CALCR: variants seen among roughly 807,000 people sequenced by gnomAD.
CALCR encodes calcitonin receptor.
Under a neutral mutation model 59.5 loss-of-function variants are expected in CALCR, and 47 were observed. The ratio of observed to expected loss-of-function variants is 0.79; its 90% CI spans 0.63 to 1.01. CALCR has a LOEUF of 1.01. Among genes scored for constraint, CALCR ranks in the 50% least tolerant of loss-of-function variants. CALCR has a pLI of 0.00. For synonymous variants in CALCR, 213 were observed against 211.3 expected (o/e 1.01, Z -0.07); for missense variants, 566 against 597.1 (o/e 0.95, Z 0.54).
At chr7:93,508,309 A>G (rs1355173595) in intron 2 of CALCR, among the ~76,000 whole-genome samples, 5 of 152,240 alleles carry the variant, frequency 3.3e-5, no homozygotes, top group Non-Finnish European at 5.9e-5. Context: ...ATCAAAGCAA[A>G]AAGTAGTATA....
intron 7 of CALCR, among the ~76,000 whole-genome samples, chr7:93,461,295 A>G (rs768544805): frequency 7.2e-5 from 11 of 152,124 alleles, no homozygotes; most frequent in Middle Eastern, 3.2e-3. Context: ...GTGTGCTTCA[A>G]ATGAAAAGCC....
intron 2 of CALCR, among the ~76,000 whole-genome samples, chr7:93,515,127 T>C (rs140046946): frequency 6.6e-6 from 1 of 152,170 alleles, no homozygotes; most frequent in African/African-American, 2.4e-5. Flanking sequence ...TTTGGCAAAC[T>C]GAATTACACT....
chr7:93,433,211 T>C (rs957453212), intron 13 of CALCR, among the ~76,000 whole-genome samples: 5 of 152,206 alleles, frequency 3.3e-5, no homozygotes, highest in Admixed American at 2.6e-4. Flanking sequence ...AGTAAAAAGA[T>C]AGAGAATAAA....
chr7:93,528,672 T>G (rs758941975), intron 2 of CALCR, among the ~76,000 whole-genome samples: 9 of 152,220 alleles, frequency 5.9e-5, no homozygotes, highest in Non-Finnish European at 1.3e-4. Context: ...TTAAAGGACT[T>G]TGATAGATAA....
At chr7:93,500,073 A>C (rs1801290278) in intron 2 of CALCR, among the ~76,000 whole-genome samples, 1 of 151,916 alleles carries the variant, frequency 6.6e-6, no homozygotes, top group Admixed American at 6.6e-5. Context: ...GATGAGCAAA[A>C]GAAAACCTAC....
At chr7:93,476,941 T>C (rs1584566472) in intron 5 of CALCR, among the ~76,000 whole-genome samples, 1 of 151,900 alleles carries the variant, frequency 6.6e-6, no homozygotes, top group South Asian at 2.1e-4. Flanking sequence ...TTAAAAGAGG[T>C]CCTCTGCAAT....
chr7:93,495,875 C>A, intron 2 of CALCR: 1 of 1,527,176 alleles, frequency 6.5e-7, no homozygotes, highest in Middle Eastern at 1.7e-4. Flanking sequence ...CGAATCTATA[C>A]TGGTTTGTAT....
rs769425672 is a variant in CALCR, at chr7:93,443,727, G to T, written c.679C>A (p.Gln227Lys). Residue 227 changes from glutamine (Q) to lysine (K), a missense_variant, in exon 9 of 14, where the codon CAG (glutamine) becomes AAG (lysine). By Grantham distance (53) the Gln-to-Lys change is moderately conservative. Transcript: ENST00000426151. ...VSCKILHFFH[Q>K]YMMACNYFWM... ...AAATAGTTGCAGGCCATCATGTACT[G>T]GTGGAAAAAATGCAAAATCTTGCAG... 8 of 1,612,732 alleles carry T rather than the reference G, an allele frequency of 5.0e-6. No homozygotes were observed. Among genetic ancestry groups the T allele is most frequent in the Non-Finnish European group, 6.8e-6 (8 of 1,179,186 alleles).
chr7:93,508,425 T>G (rs571774076), intron 2 of CALCR, among the ~76,000 whole-genome samples: 29 of 152,226 alleles, frequency 1.9e-4, no homozygotes, highest in Non-Finnish European at 3.7e-4. Flanking sequence ...TTTTTTTAAT[T>G]TTTAACAAAA....
intron 8 of CALCR, among the ~76,000 whole-genome samples, chr7:93,455,750 A>C (rs1800196862): frequency 6.6e-6 from 1 of 152,016 alleles, no homozygotes; most frequent in Non-Finnish European, 1.5e-5. Flanking sequence ...TGCTTTCATG[A>C]TAACTGAATT....
chr7:93,448,009 A>T (rs1800037405), intron 8 of CALCR, among the ~76,000 whole-genome samples: 1 of 152,036 alleles, frequency 6.6e-6, no homozygotes, highest in Non-Finnish European at 1.5e-5. Flanking sequence ...GTTGTCAAAC[A>T]GAGTCCCTAC....
At chr7:93,492,123 T>C (rs960198954) in intron 2 of CALCR, among the ~76,000 whole-genome samples, 5 of 151,592 alleles carry the variant, frequency 3.3e-5, no homozygotes, top group African/African-American at 9.7e-5. Context: ...AAAGCCATCA[T>C]CCTCAGCAAA....
intron 2 of CALCR, among the ~76,000 whole-genome samples, chr7:93,568,519 C>G (rs1408296288): frequency 3.6e-5 from 2 of 55,408 alleles, no homozygotes; most frequent in East Asian, 4.6e-4. Flanking sequence ...TTCTCTCTCT[C>G]TCTCTCTCTC....
chr7:93,459,630 C>T (rs1800276214), intron 8 of CALCR, among the ~76,000 whole-genome samples: 1 of 152,142 alleles, frequency 6.6e-6, no homozygotes, highest in African/African-American at 2.4e-5. Context: ...CTCATACCTA[C>T]TGACTCTCTA....
chr7:93,470,872 CCACT>C, intron 6 of CALCR, among the ~76,000 whole-genome samples: 1 of 150,958 alleles, frequency 6.6e-6, no homozygotes, highest in South Asian at 2.1e-4. Flanking sequence ...TGCGCTGCAC[CCACT>C]AACTTGTCAT....
At chr7:93,508,255 A>C (rs1801470459) in intron 2 of CALCR, among the ~76,000 whole-genome samples, 1 of 152,210 alleles carries the variant, frequency 6.6e-6, no homozygotes, top group Non-Finnish European at 1.5e-5. Flanking sequence ...ACAAAAACAA[A>C]AGAAAACCCC....
At position 93,424,732 on chromosome 7, in the gene CALCR, ACT is replaced by A. The variant is rs755278074; in HGVS notation, c.*1622_*1623del. ...CATTTGTACCACAGCTGCCAGAAAT[ACT>A]CTGTTTTCCATGTTTGTAAACAAAA... On this transcript the variant is annotated 3_prime_UTR_variant, in exon 14 of 14. Coordinates refer to ENST00000426151, the MANE Select transcript of CALCR (RefSeq NM_001742.4). The A allele has an allele frequency of 7.2e-5, 11 of 152,562 alleles. No homozygotes were observed. The East Asian group carries it at 1.2e-3, about 16-fold the overall frequency. The allele number at this position is 152,562 out of a possible 1,614,324, so 9.5% of individuals were successfully genotyped here. A position where few individuals can be genotyped will look rare whatever the true frequency, so the allele number is the denominator to read the frequency against.
chr7:93,550,598 AACACACAC>A lies in CALCR; in HGVS notation c.-27+23683_-27+23690del, dbSNP rs201729250. On this transcript the variant is annotated intron_variant, in intron 2 of 13. Transcript: ENST00000426151. The stretch of plus-strand genomic sequence containing the variant: ...TAACCAAGCATTTCCATTTGGGCTA[AACACACAC>A]ACACACACACACACACACACACACA... 5.7e-3 allele frequency among the ~76,000 whole-genome samples: 690 copies of A among 121,914 alleles called. 2 individuals are homozygous for A. The highest frequency in any genetic ancestry group is 0.011 in the African/African-American group (397 of 34,866). The allele number at this position is 121,914 out of a possible 152,430, so 80.0% of individuals were successfully genotyped here.
intron 8 of CALCR, among the ~76,000 whole-genome samples, chr7:93,445,717 T>C (rs1167005938): frequency 6.6e-6 from 1 of 152,082 alleles, no homozygotes; most frequent in South Asian, 2.1e-4. Flanking sequence ...TGCTGCTTCA[T>C]TCACACTGAA....
Sources: gnomAD v4.1 joint callset for allele counts (sites outside exome capture counted in the v4.1 genomes callset) on GRCh38, gnomAD v4.1.1 for gene constraint, MANE v1.5 for transcripts, NCBI Gene and HGNC (gene_info 2026-07-23, HGNC 2026-07-21) for gene names.